The following CFAP44 variants were observed in gnomAD, a reference collection of about 807,000 sequenced individuals.
CFAP44 encodes the protein cilia and flagella associated protein 44.
In CFAP44, 134 loss-of-function variants were observed where a neutral mutation model predicts 216.2. That is an observed-to-expected ratio of 0.62 (90% CI 0.54 to 0.72). The LOEUF is 0.72. CFAP44 is among the 30% of genes least tolerant of loss of function. The pLI, the probability that CFAP44 is intolerant of heterozygous loss-of-function variation, is 0.00. For missense variants in CFAP44, 2,035 were observed against 2,182.1 expected, an observed-to-expected ratio of 0.93 and a Z score of 1.34; for synonymous variants, 700 against 727.6, an observed-to-expected ratio of 0.96 and a Z score of 0.61.
At chr3:113,356,386 T>C (rs1161091229) in intron 22 of CFAP44, among the ~76,000 whole-genome samples, 2 of 152,134 alleles carry the variant, frequency 1.3e-5, no homozygotes, top group African/African-American at 4.8e-5. Context: ...ACAAGTTGAT[T>C]CTATGCAAAG....
At chr3:113,306,010 T>C (rs1271647614) in intron 30 of CFAP44, among the ~76,000 whole-genome samples, 191 bp downstream of exon 30, 3 of 152,140 alleles carry the variant, frequency 2.0e-5, no homozygotes, top group African/African-American at 4.8e-5. Flanking sequence ...ATGACTGACA[T>C]AAAGTAAGTC....
intron 2 of CFAP44, chr3:113,432,280 G>C (rs1207827531): frequency 1.3e-5 from 2 of 152,174 alleles, no homozygotes; most frequent in Non-Finnish European, 2.9e-5. Context: ...AGCTTTGTAA[G>C]GGAGTTGAAC....
chr3:113,421,656 G>A lies in CFAP44; in HGVS notation c.408-1477C>T, dbSNP rs11922003. Among the ~76,000 whole-genome samples, 1,376 of 152,246 alleles carry A rather than the reference G, an allele frequency of 9.0e-3. 18 individuals carry two copies. The highest frequency in any genetic ancestry group is 0.031 in the African/African-American group (1,270 of 41,546). On this transcript the variant is annotated intron_variant, in intron 4 of 34. Transcript: ENST00000393845. ...ATACACCATGAAATACTATACAGCC[G>A]TGAAAAGAATGAAATCATGTCCTTT...
chr3:113,412,380 T>A (rs113748141), intron 6 of CFAP44, among the ~76,000 whole-genome samples: 2,561 of 151,864 alleles, frequency 0.017, 57 homozygotes, highest in African/African-American at 0.05. Flanking sequence ...CCCTTTTCCA[T>A]GACAATTCCA....
chr3:113,435,356 C>A (rs1267011909), intron 1 of CFAP44, among the ~76,000 whole-genome samples: 1 of 151,924 alleles, frequency 6.6e-6, no homozygotes, highest in East Asian at 1.9e-4. Flanking sequence ...CACATGGTGA[C>A]AGCAAGGAGA....
At chr3:113,417,437 C>T (rs1559942856) in intron 5 of CFAP44, 1 of 151,792 alleles carries the variant, frequency 6.6e-6, no homozygotes, top group African/African-American at 2.4e-5. Flanking sequence ...ATTGGTAAGC[C>T]AAATGTGTAG....
At chr3:113,366,458 C>T in intron 18 of CFAP44, 149 bp from the exon 19 acceptor site, 2 of 882,596 alleles carry the variant, frequency 2.3e-6, no homozygotes, top group East Asian at 2.7e-5. Flanking sequence ...GCCCTAACCC[C>T]TAATACTTCA....
At chr3:113,408,991 TG>T in intron 7 of CFAP44, 114 bp downstream of exon 7, 1 of 692,836 alleles carries the variant, frequency 1.4e-6, no homozygotes, top group Non-Finnish European at 2.2e-6. Flanking sequence ...ATAATTCTAA[TG>T]TTAACCAAAA....
chr3:113,435,479 C>T (rs967552952), intron 1 of CFAP44, among the ~76,000 whole-genome samples: 4 of 151,936 alleles, frequency 2.6e-5, no homozygotes, highest in African/African-American at 9.7e-5. Context: ...CAGTTACCTC[C>T]CACTGGGTCC....
At chr3:113,334,382 A>G (rs1275047611) in intron 24 of CFAP44, among the ~76,000 whole-genome samples, 5 of 152,246 alleles carry the variant, frequency 3.3e-5, no homozygotes, top group Non-Finnish European at 5.9e-5. Context: ...ACAATATAGA[A>G]GTACAAAACA....
At chr3:113,410,292 C>T (rs1446748308) in intron 6 of CFAP44, among the ~76,000 whole-genome samples, 2 of 152,102 alleles carry the variant, frequency 1.3e-5, no homozygotes, top group African/African-American at 2.4e-5. Context: ...AATGCTATCC[C>T]TACCCCCTCT....
intron 17 of CFAP44, among the ~76,000 whole-genome samples, chr3:113,377,950 C>G (rs1005512124): frequency 6.6e-6 from 1 of 152,068 alleles, no homozygotes; most frequent in African/African-American, 2.4e-5. Flanking sequence ...TGCACCCAGC[C>G]AAAAATAATT....
intron 18 of CFAP44, among the ~76,000 whole-genome samples, chr3:113,368,392 T>G (rs1273264158): frequency 1.3e-5 from 2 of 152,194 alleles, no homozygotes; most frequent in African/African-American, 4.8e-5. Flanking sequence ...AGCAGATCTC[T>G]CGGCAGAAAC....
intron 15 of CFAP44, among the ~76,000 whole-genome samples, chr3:113,383,269 A>T (rs1414444915): frequency 6.6e-6 from 1 of 152,210 alleles, no homozygotes; most frequent in African/African-American, 2.4e-5. Context: ...GAGTTCTAGG[A>T]GCTGGGAAGT....
At chr3:113,344,947 A>G (rs1057124227) in intron 22 of CFAP44, among the ~76,000 whole-genome samples, 2 of 151,616 alleles carry the variant, frequency 1.3e-5, no homozygotes, top group African/African-American at 2.4e-5. Flanking sequence ...ATTAATCACT[A>G]TAATACCAGT....
chr3:113,323,042 T>C (rs1950158841), intron 28 of CFAP44, among the ~76,000 whole-genome samples: 1 of 152,140 alleles, frequency 6.6e-6, no homozygotes, highest in Non-Finnish European at 1.5e-5. Flanking sequence ...AACTCACTCA[T>C]CATGAGAATA....
Position 113,413,735 on chromosome 3 carries a change from C to A in CFAP44, c.673+2790G>T, listed in dbSNP as rs560518061. 7.9e-5 allele frequency among the ~76,000 whole-genome samples: 12 copies of A among 152,214 alleles called. 1 individual carries two copies. In the South Asian group the frequency reaches 1.9e-3, roughly 24 times the overall value. ...TTGGTCTATATGTCTGTTTTGGTAC[C>A]AGTACCATGCTGTTTTGTTTACTGT... On this transcript the variant is annotated intron_variant, in intron 6 of 34. Transcript: ENST00000393845.
At chr3:113,316,586 C>T (rs1056635965) in intron 28 of CFAP44, among the ~76,000 whole-genome samples, 7 of 152,048 alleles carry the variant, frequency 4.6e-5, no homozygotes, top group African/African-American at 1.7e-4. Context: ...ATGAAGAATA[C>T]AGCTGGCTGT....
intron 18 of CFAP44, among the ~76,000 whole-genome samples, chr3:113,366,922 T>C (rs941643360): frequency 1.3e-5 from 2 of 152,214 alleles, no homozygotes; most frequent in African/African-American, 4.8e-5. Flanking sequence ...CATGCCTGGC[T>C]CAGCGGGTCC....
Sources: gnomAD v4.1 joint callset for allele counts (sites outside exome capture counted in the v4.1 genomes callset) on GRCh38, gnomAD v4.1.1 for gene constraint, MANE v1.5 for transcripts, NCBI Gene and HGNC (gene_info 2026-07-23, HGNC 2026-07-21) for gene names.